Variants in LIMD1 observed in about 807,000 individuals in gnomAD.
The protein encoded by LIMD1 is LIM domain-containing protein 1.
In LIMD1, 23 loss-of-function variants were observed where a neutral mutation model predicts 58.4. That is an observed-to-expected ratio of 0.39 (90% confidence interval 0.28 to 0.56). The LOEUF (loss-of-function observed/expected upper bound fraction) is 0.56. Ranked by LOEUF, LIMD1 falls within the 20% of genes least tolerant of loss-of-function variation. The pLI is 0.57. For synonymous variants in LIMD1, 334 were observed against 345.5 expected, an observed-to-expected ratio of 0.97 and a Z score of 0.37; for missense variants, 838 against 855.5, an observed-to-expected ratio of 0.98 and a Z score of 0.25.
In LIMD1 at chr3:45,674,741, C is replaced by T. The variant is rs141434004; in HGVS notation, c.1893+330C>T. The stretch of plus-strand genomic sequence containing the variant: ...CGGGCCACATTGTCAGGCAGGTGTG[C>T]GATTTGGGGAAGGGACTCCCTCCCC... On this transcript the variant is annotated intron_variant, in intron 7 of 7. Coordinates refer to ENST00000273317, the MANE Select transcript of LIMD1 (RefSeq NM_014240.3). Among the ~76,000 whole-genome samples, 24 of 152,194 alleles carry T rather than the reference C, an allele frequency of 1.6e-4. No homozygotes were observed. In the East Asian group the frequency reaches 4.1e-3, roughly 26 times the overall value.
At chr3:45,648,167 T>G (rs2125662377) in intron 2 of LIMD1, among the ~76,000 whole-genome samples, 1 of 152,322 alleles carries the variant, frequency 6.6e-6, no homozygotes, top group East Asian at 1.9e-4. Flanking sequence ...GCACCTTTAG[T>G]ATAATTCTGA....
rs1355616254 is a variant in LIMD1 at position 45,594,841 on chromosome 3, ACACG to A, written c.-38_-35del. 36 of 1,307,354 alleles carry A rather than the reference ACACG, an allele frequency of 2.8e-5. 1 individual carries two copies. In the African/African-American group the frequency reaches 4.2e-4, roughly 15 times the overall value. The allele number at this position is 1,307,354 out of a possible 1,614,324, so 81.0% of individuals were successfully genotyped here. A position where few individuals can be genotyped will look rare whatever the true frequency, so the allele number is the denominator to read the frequency against. ...CACACACACACACACACACACACAC[ACACG>A]GCACCTGGGCTAGGCCCGGACACCT... is the stretch of plus-strand genomic sequence containing the variant. On this transcript the variant is annotated 5_prime_UTR_variant, in exon 1 of 8. Coordinates refer to ENST00000273317, the MANE Select transcript of LIMD1 (RefSeq NM_014240.3).
At chr3:45,668,979 A>G (rs570574261) in intron 4 of LIMD1, among the ~76,000 whole-genome samples, 1 of 152,326 alleles carries the variant, frequency 6.6e-6, no homozygotes, top group South Asian at 2.1e-4. Flanking sequence ...GTCTGTTTTT[A>G]CTGCAGAAAT....
intron 4 of LIMD1, among the ~76,000 whole-genome samples, chr3:45,671,499 A>G (rs1270834491): frequency 6.6e-6 from 1 of 152,166 alleles, no homozygotes; most frequent in Non-Finnish European, 1.5e-5. Context: ...GACCTTGCTC[A>G]TGTTGATTCT....
chr3:45,603,230 C>T (rs1320181771), intron 1 of LIMD1, among the ~76,000 whole-genome samples: 5 of 152,082 alleles, frequency 3.3e-5, no homozygotes, highest in Admixed American at 1.3e-4. Flanking sequence ...ATTAAAAAAT[C>T]GAGCATTTTT....
chr3:45,639,537 A>C (rs1249112394), intron 2 of LIMD1, among the ~76,000 whole-genome samples: 1 of 152,276 alleles, frequency 6.6e-6, no homozygotes, highest in South Asian at 2.1e-4. Context: ...GGGCACTCAT[A>C]TGGTAGAAGG....
intron 5 of LIMD1, 120 bp downstream of exon 5, chr3:45,672,940 A>G (rs1238929070): frequency 1.6e-6 from 2 of 1,226,740 alleles, no homozygotes; most frequent in African/African-American, 1.5e-5. Context: ...CAGTCCAGCA[A>G]AGGCTTAATG....
In LIMD1 at chr3:45,615,391, A is replaced by G. The variant is rs531107344; in HGVS notation, c.1408+19104A>G. On this transcript the variant is annotated intron_variant, in intron 1 of 7. Transcript: ENST00000273317. ...GTATGGATTTAGGGGGGAGAAGTGC[A>G]CTTTTGTTACATGGATCTATTGCCT... 2.0e-5 allele frequency among the ~76,000 whole-genome samples: 3 copies of G among 152,240 alleles called. No individual in the cohort carries two copies. The South Asian group carries it at 6.2e-4, about 32-fold the overall frequency.
chr3:45,659,099 C>G (rs752596613), intron 2 of LIMD1, among the ~76,000 whole-genome samples: 8 of 152,086 alleles, frequency 5.3e-5, no homozygotes, highest in Non-Finnish European at 8.8e-5. Context: ...AAATTTCTCT[C>G]TAATACCATC....
chr3:45,595,398 C>T lies in LIMD1; in HGVS notation c.519C>T (p.Cys173=), dbSNP rs1215217009. The T allele has an allele frequency of 1.2e-6, 2 of 1,613,862 alleles. No homozygotes were observed. Among genetic ancestry groups the T allele is most frequent in the African/African-American group, 1.3e-5 (1 of 74,936 alleles). ...HQPGPCEDPS[C]LTHGDYYDNL... ...CAGGCCCCTGTGAGGATCCTTCCTG[C>T]CTCACTCATGGAGACTATTATGACA... Residue 173 remains cysteine, a synonymous_variant, in exon 1 of 8, where the codon TGC becomes TGT. Transcript: ENST00000273317.
intron 1 of LIMD1, chr3:45,635,808 T>A (rs1701781339): frequency 1.4e-6 from 1 of 717,248 alleles, no homozygotes; most frequent in South Asian, 6.4e-5. Context: ...CATATTATAG[T>A]GATGGTGCAA....
chr3:45,657,134 C>G (rs763843617), intron 2 of LIMD1, among the ~76,000 whole-genome samples: 4 of 152,170 alleles, frequency 2.6e-5, no homozygotes, highest in Non-Finnish European at 5.9e-5. Context: ...TTTTCTGCCT[C>G]CCTGCTTCTC....
At chr3:45,630,583 G>A (rs1260007877) in intron 1 of LIMD1, among the ~76,000 whole-genome samples, 1 of 152,152 alleles carries the variant, frequency 6.6e-6, no homozygotes, top group Non-Finnish European at 1.5e-5. Context: ...GGTCGTGTGT[G>A]CAAGGGACAA....
At chr3:45,658,977 C>CT (rs1559524247) in intron 2 of LIMD1, among the ~76,000 whole-genome samples, 1 of 152,018 alleles carries the variant, frequency 6.6e-6, no homozygotes, top group Non-Finnish European at 1.5e-5. Context: ...TTAAATCTTG[C>CT]TTTTTACTTT....
intron 7 of LIMD1, chr3:45,674,667 C>T (rs1697644190): frequency 2.4e-6 from 1 of 422,110 alleles, no homozygotes; most frequent in Non-Finnish European, 4.4e-6. Flanking sequence ...CTCCCTGAAG[C>T]TGCAGAGCTA....
In LIMD1 at chr3:45,617,693, T is replaced by C. The variant is rs369378605; in HGVS notation, c.1409-18457T>C. Among the ~76,000 whole-genome samples, 47 of 152,354 alleles carry C rather than the reference T, an allele frequency of 3.1e-4. 1 individual carries two copies. In the South Asian group the frequency reaches 8.9e-3, roughly 29 times the overall value. ...TGAACAAAGTGTGCTTGTGAAACTT[T>C]CTGTTTGTTCTAAGGAGACAACTGT... On this transcript the variant is annotated intron_variant, in intron 1 of 7. Coordinates refer to ENST00000273317, the MANE Select transcript of LIMD1 (RefSeq NM_014240.3).
chr3:45,605,873 C>T, intron 1 of LIMD1, among the ~76,000 whole-genome samples: 1 of 152,192 alleles, frequency 6.6e-6, no homozygotes, highest in East Asian at 1.9e-4. Context: ...TGTTGGGTCT[C>T]AGGCCTGATC....
chr3:45,615,885 C>T (rs73830442), intron 1 of LIMD1, among the ~76,000 whole-genome samples: 1,845 of 148,116 alleles, frequency 0.012, 51 homozygotes, highest in African/African-American at 0.043. Context: ...TGGGAGTTTT[C>T]GTCTCCTGAA....
rs553757543 is a variant in LIMD1 at position 45,663,868 on chromosome 3, A to ATTTTTTTTTT, written c.1511-1771_1511-1762dup. ...TAGTGCGTGGCACCATGCCTGGCTAATTTTTTTTTTTTTTTTTTTTGAGAC... is the reference window on the plus strand; with the variant it reads ...TAGTGCGTGGCACCATGCCTGGCTAATTTTTTTTTTTTTTTTTTTTTTTTTTTTTTGAGAC... On this transcript the variant is annotated intron_variant, in intron 2 of 7. Transcript: ENST00000273317. Among the ~76,000 whole-genome samples, 12 of 102,850 alleles carry ATTTTTTTTTT rather than the reference A, an allele frequency of 1.2e-4. 1 individual carries two copies. Among genetic ancestry groups the ATTTTTTTTTT allele is most frequent in the East Asian group, 3.2e-4 (1 of 3,170 alleles). The allele number at this position is 102,850 out of a possible 152,430, so 67.5% of individuals were successfully genotyped here.
Sources: allele counts gnomAD v4.1 joint callset (sites outside exome capture counted in the v4.1 genomes callset), GRCh38; gene constraint gnomAD v4.1.1; transcripts MANE v1.5; gene names NCBI Gene and HGNC (gene_info 2026-07-23, HGNC 2026-07-21).